Variants in ROBO2 observed in about 807,000 individuals in gnomAD.
ROBO2 encodes roundabout guidance receptor 2.
A neutral mutation model predicts 160.8 loss-of-function variants in ROBO2; 53 were observed. The observed-to-expected ratio is 0.33, with a 90% confidence interval of 0.26 to 0.41. The LOEUF is 0.41. ROBO2 is among the 10% of genes least tolerant of loss of function. The probability of loss-of-function intolerance (pLI) is 1.00; values close to 1 mark genes in which losing one functional copy is unlikely to be tolerated. For missense variants in ROBO2, 1,577 were observed against 1,722.4 expected (o/e 0.92, Z 1.49); for synonymous variants, 664 against 611.7 (o/e 1.09, Z -1.26).
intron 2 of ROBO2, among the ~76,000 whole-genome samples, chr3:75,981,092 C>A (rs2065262141): frequency 6.6e-6 from 1 of 151,406 alleles, no homozygotes; most frequent in South Asian, 2.1e-4. Context: ...AATGAATGAA[C>A]AGATTATATT....
chr3:77,086,144 G>T (rs879470459), intron 1 of ROBO2, among the ~76,000 whole-genome samples: 5 of 152,008 alleles, frequency 3.3e-5, no homozygotes, highest in Non-Finnish European at 5.9e-5. Context: ...CTTTAAAAAG[G>T]CCGTTATCTT....
Position 77,579,082 on chromosome 3 carries a change from C to T in ROBO2, c.2329-865C>T, listed in dbSNP as rs185637290. On this transcript the variant is annotated intron_variant, in intron 15 of 25. Transcript: ENST00000461745. ...AAAAATTCTGGGAACTTACCTGCTC[C>T]GAAACAAATCATATGTTTTCCTACA... Among the ~76,000 whole-genome samples, 19 of 152,120 alleles carry T rather than the reference C, an allele frequency of 1.2e-4. No individual in the cohort carries two copies. In the East Asian group the frequency reaches 1.5e-3, roughly 12 times the overall value.
At chr3:77,596,649 A>G (rs1341505599) in exon 19 of ROBO2, 4 of 1,613,854 alleles carry the variant, frequency 2.5e-6, no homozygotes, top group Non-Finnish European at 3.4e-6. Flanking sequence ...AATGCTGGTG[A>G]TCCCAGCTAT....
At chr3:77,097,129 T>G (rs1247106459) in intron 1 of ROBO2, among the ~76,000 whole-genome samples, 1 of 152,194 alleles carries the variant, frequency 6.6e-6, no homozygotes, top group Non-Finnish European at 1.5e-5. Context: ...TGTCTCAGGC[T>G]CCAAGACTGT....
At chr3:76,154,265 T>C (rs1380497896) in intron 2 of ROBO2, among the ~76,000 whole-genome samples, 1 of 152,118 alleles carries the variant, frequency 6.6e-6, no homozygotes, top group Non-Finnish European at 1.5e-5. Context: ...TCTTCATCTT[T>C]GAAGAAAAAG....
chr3:75,908,956 C>A (rs575203551), intron 1 of ROBO2, among the ~76,000 whole-genome samples: 1 of 152,288 alleles, frequency 6.6e-6, no homozygotes, highest in Admixed American at 6.5e-5. Flanking sequence ...GCAGACAGAA[C>A]CTGCTTTCAG....
intron 21 of ROBO2, among the ~76,000 whole-genome samples, chr3:77,613,076 A>G (rs2153699790): frequency 6.6e-6 from 1 of 152,356 alleles, no homozygotes; most frequent in East Asian, 1.9e-4. Flanking sequence ...TGCCAAATAC[A>G]ATATTTATAT....
At chr3:76,758,684 G>A (rs932762695) in intron 2 of ROBO2, among the ~76,000 whole-genome samples, 1 of 151,716 alleles carries the variant, frequency 6.6e-6, no homozygotes, top group African/African-American at 2.4e-5. Flanking sequence ...TATGATCAAA[G>A]GTGATCTACA....
At chr3:76,935,084 T>A (rs1338743338) in intron 2 of ROBO2, among the ~76,000 whole-genome samples, 2 of 151,882 alleles carry the variant, frequency 1.3e-5, no homozygotes, top group African/African-American at 4.8e-5. Context: ...CCTGAGTAAC[T>A]AGGACTATAG....
intron 2 of ROBO2, among the ~76,000 whole-genome samples, chr3:76,571,756 C>A (rs1475194218): frequency 1.3e-5 from 2 of 152,066 alleles, no homozygotes; most frequent in Non-Finnish European, 2.9e-5. Context: ...GCTGATTTCT[C>A]CATTTTATGT....
At chr3:75,988,180 G>A (rs1464362528) in intron 2 of ROBO2, among the ~76,000 whole-genome samples, 5 of 151,922 alleles carry the variant, frequency 3.3e-5, no homozygotes, top group Admixed American at 6.6e-5. Flanking sequence ...TTTGTTGCTA[G>A]ATTTTTTATT....
chr3:77,632,477 C>T, intron 23 of ROBO2: 4 of 1,528,914 alleles, frequency 2.6e-6, no homozygotes, highest in Admixed American at 2.0e-5. Flanking sequence ...TTTTTAGGTT[C>T]AATGGTAAAT....
chr3:77,072,581 G>A (rs980613217), intron 1 of ROBO2, among the ~76,000 whole-genome samples: 6 of 152,074 alleles, frequency 3.9e-5, no homozygotes, highest in African/African-American at 1.4e-4. Flanking sequence ...CTTAAAGAAG[G>A]CTTTCTCCTA....
At chr3:77,035,587 C>T (rs1247753854), upstream of ROBO2, among the ~76,000 whole-genome samples, 6 of 151,734 alleles carry the variant, frequency 4.0e-5, no homozygotes, top group Non-Finnish European at 8.9e-5. Flanking sequence ...ATGTAATATA[C>T]CAAAAATGCT....
intron 5 of ROBO2, among the ~76,000 whole-genome samples, chr3:77,511,495 A>C (rs2153615977): frequency 6.6e-6 from 1 of 152,084 alleles, no homozygotes; most frequent in East Asian, 2.0e-4. Flanking sequence ...CACTTCATTA[A>C]ATCAACTATT....
intron 2 of ROBO2, among the ~76,000 whole-genome samples, chr3:77,283,978 A>G (rs1055240515): frequency 2.0e-5 from 3 of 152,206 alleles, no homozygotes; most frequent in African/African-American, 4.8e-5. Context: ...AAGTTTCTAT[A>G]GCTTTACCCA....
intron 2 of ROBO2, among the ~76,000 whole-genome samples, chr3:77,208,556 AC>A: frequency 6.6e-6 from 1 of 152,216 alleles, no homozygotes; most frequent in South Asian, 2.1e-4. Context: ...GCTCCTGAAG[AC>A]CCATTAGACT....
intron 2 of ROBO2, among the ~76,000 whole-genome samples, chr3:76,989,462 G>A (rs1212682664): frequency 6.6e-6 from 1 of 151,996 alleles, no homozygotes; most frequent in Non-Finnish European, 1.5e-5. Context: ...TATAGTCTCT[G>A]TAAGTAGTTT....
At position 77,609,763 on chromosome 3, in the gene ROBO2, T is replaced by C. The variant is rs1039256010; in HGVS notation, c.3293+1809T>C. Among the ~76,000 whole-genome samples the C allele has an allele frequency of 2.0e-5, 3 of 146,510 alleles. No individual in the cohort carries two copies. The East Asian group carries it at 5.9e-4, about 29-fold the overall frequency. On this transcript the variant is annotated intron_variant, in intron 21 of 25. Transcript: ENST00000461745. ...ATTAAGATATAAAACACAAAATTGT[T>C]TCTACATATTTGGAAACTTTATATA...
Sources: gnomAD v4.1 joint callset for allele counts (sites outside exome capture counted in the v4.1 genomes callset) on GRCh38, gnomAD v4.1.1 for gene constraint, MANE v1.5 for transcripts, NCBI Gene and HGNC (gene_info 2026-07-23, HGNC 2026-07-21) for gene names.